NME7: variants seen among roughly 807,000 people sequenced by gnomAD.
The protein encoded by NME7 is nucleoside diphosphate kinase 7.
Under a neutral mutation model 49.1 loss-of-function variants are expected in NME7, and 41 were observed. The ratio of observed to expected loss-of-function variants is 0.83; its 90% CI spans 0.65 to 1.08. The LOEUF is 1.08. NME7 is among the 50% of genes least tolerant of loss of function. The pLI, the probability that NME7 is intolerant of heterozygous loss-of-function variation, is 0.00. For missense variants in NME7, 423 were observed against 463.4 expected (o/e 0.91, Z 0.80); for synonymous variants, 139 against 150.6 (o/e 0.92, Z 0.56).
chr1:169,189,999 A>C (rs1660171925), intron 10 of NME7, among the ~76,000 whole-genome samples: 2 of 152,208 alleles, frequency 1.3e-5, no homozygotes. Flanking sequence ...TTTTCAAAAG[A>C]AACTATGAAA....
intron 7 of NME7, among the ~76,000 whole-genome samples, chr1:169,244,053 ATACATATGTG>A (rs1245698905): frequency 1.2e-4 from 18 of 151,972 alleles, no homozygotes; most frequent in African/African-American, 3.9e-4. Flanking sequence ...ATGCAAAAAT[ATACATATGTG>A]TATATATGTG....
chr1:169,233,828 A>C (rs1051177483), intron 9 of NME7, among the ~76,000 whole-genome samples: 1 of 152,196 alleles, frequency 6.6e-6, no homozygotes, highest in African/African-American at 2.4e-5. Flanking sequence ...AAGGAGCAGA[A>C]GGCATGAACA....
intron 1 of NME7, among the ~76,000 whole-genome samples, chr1:169,331,340 A>C (rs1205472065): frequency 6.6e-6 from 1 of 152,142 alleles, no homozygotes; most frequent in Non-Finnish European, 1.5e-5. Context: ...ATATTTGACA[A>C]ATATGACAGA....
intron 10 of NME7, among the ~76,000 whole-genome samples, chr1:169,182,589 C>T (rs1659960981): frequency 6.6e-6 from 1 of 152,192 alleles, no homozygotes; most frequent in Non-Finnish European, 1.5e-5. Flanking sequence ...TTCACCTTCA[C>T]ATCTTGTTTA....
intron 1 of NME7, among the ~76,000 whole-genome samples, chr1:169,330,521 A>T (rs575966952): frequency 2.6e-5 from 4 of 152,054 alleles, no homozygotes; most frequent in African/African-American, 9.7e-5. Context: ...TCTACTAAAA[A>T]TACAAAAATT....
intron 3 of NME7, among the ~76,000 whole-genome samples, chr1:169,322,698 T>C (rs1463052535): frequency 6.6e-6 from 1 of 151,048 alleles, no homozygotes; most frequent in Non-Finnish European, 1.5e-5. Context: ...ATATATCTGT[T>C]AACAAAACTT....
Position 169,237,610 on chromosome 1 carries a change from G to A in NME7, c.819+13C>T. The A allele has an allele frequency of 6.3e-7, 1 of 1,594,990 alleles. No individual in the cohort carries two copies. Among genetic ancestry groups the A allele is most frequent in the Non-Finnish European group, 8.6e-7 (1 of 1,165,100 alleles). On this transcript the variant is annotated intron_variant, in intron 8 of 11. Coordinates refer to ENST00000367811, the MANE Select transcript of NME7 (RefSeq NM_013330.5). ...ATCCTCACAAATATTATGGTTCATT[G>A]TAAACTACCTACCATCTGCATAGCT...
chr1:169,355,043 A>C (rs533234564), intron 1 of NME7, among the ~76,000 whole-genome samples: 4 of 71,012 alleles, frequency 5.6e-5, no homozygotes, highest in South Asian at 7.8e-4. Context: ...TATATTATAG[A>C]TATAATATAT....
intron 10 of NME7, among the ~76,000 whole-genome samples, chr1:169,192,308 G>A (rs1220658857): frequency 1.3e-5 from 2 of 151,944 alleles, no homozygotes; most frequent in African/African-American, 2.4e-5. Context: ...TTCTGTATCC[G>A]TGAACACAAA....
At chr1:169,364,860 G>A (rs1414731935) in intron 1 of NME7, among the ~76,000 whole-genome samples, 1 of 152,104 alleles carries the variant, frequency 6.6e-6, no homozygotes, top group Middle Eastern at 3.2e-3. Context: ...ACTATGGGAG[G>A]GACCTAAAAT....
intron 10 of NME7, among the ~76,000 whole-genome samples, chr1:169,188,062 T>C (rs1248029144): frequency 6.6e-6 from 1 of 152,144 alleles, no homozygotes; most frequent in Admixed American, 6.5e-5. Flanking sequence ...TTTAAGAATG[T>C]TGAATATTGG....
intron 11 of NME7, among the ~76,000 whole-genome samples, chr1:169,139,880 A>G (rs1239906794): frequency 6.6e-6 from 1 of 152,196 alleles, no homozygotes; most frequent in Non-Finnish European, 1.5e-5. Context: ...ACCAAATGCA[A>G]TATGTGATCC....
At chr1:169,142,352 A>C (rs1180570615) in intron 11 of NME7, among the ~76,000 whole-genome samples, 1 of 152,228 alleles carries the variant, frequency 6.6e-6, no homozygotes, top group Non-Finnish European at 1.5e-5. Context: ...CAGCTAAGCC[A>C]GAATAAGATA....
intron 3 of NME7, among the ~76,000 whole-genome samples, chr1:169,312,333 C>T (rs1432497982): frequency 6.6e-6 from 1 of 152,152 alleles, no homozygotes; most frequent in African/African-American, 2.4e-5. Context: ...GCTGACATAT[C>T]TTTGGCCAAT....
At chr1:169,318,275 T>C (rs1164816294) in intron 3 of NME7, among the ~76,000 whole-genome samples, 1 of 152,218 alleles carries the variant, frequency 6.6e-6, no homozygotes, top group Non-Finnish European at 1.5e-5. Flanking sequence ...TAATACTTAA[T>C]ATTTTGATCT....
At position 169,338,134 on chromosome 1, in the gene NME7, T is replaced by C. The variant is rs138589063; in HGVS notation, c.4-13634A>G. ...GTGAATCATTAAATTTAGTTAGCTA[T>C]CCTATTTCACTTAAATTCTTTAAAC... is the stretch of plus-strand genomic sequence containing the variant. On this transcript the variant is annotated intron_variant, in intron 1 of 11. Coordinates refer to ENST00000367811, the MANE Select transcript of NME7 (RefSeq NM_013330.5). Among the ~76,000 whole-genome samples, 345 of 152,244 alleles carry C rather than the reference T, an allele frequency of 2.3e-3. 4 individuals are homozygous for C. The highest frequency in any genetic ancestry group is 3.4e-3 in the Admixed American group (52 of 15,310).
chr1:169,348,852 G>A (rs1290063194), intron 1 of NME7, among the ~76,000 whole-genome samples: 1 of 149,436 alleles, frequency 6.7e-6, no homozygotes, highest in Non-Finnish European at 1.5e-5. Flanking sequence ...TGAAAAGGAA[G>A]TTAAATTTCT....
At chr1:169,229,905 T>A (rs1234349292) in intron 10 of NME7, among the ~76,000 whole-genome samples, 2 of 151,302 alleles carry the variant, frequency 1.3e-5, no homozygotes, top group African/African-American at 4.9e-5. Flanking sequence ...GAGGTTGCAG[T>A]GAGCCGAGAT....
intron 10 of NME7, among the ~76,000 whole-genome samples, chr1:169,225,484 C>T (rs558611739): frequency 6.6e-6 from 1 of 152,202 alleles, no homozygotes; most frequent in South Asian, 2.1e-4. Context: ...AGAAATGAGG[C>T]TAGAAGTAGG....
Sources: allele counts gnomAD v4.1 joint callset (sites outside exome capture counted in the v4.1 genomes callset), GRCh38; gene constraint gnomAD v4.1.1; transcripts MANE v1.5; gene names NCBI Gene and HGNC (gene_info 2026-07-23, HGNC 2026-07-21).